The following CNTN5 variants were observed in gnomAD, a reference collection of about 807,000 sequenced individuals.
CNTN5 encodes the protein contactin 5.
Under a neutral mutation model 129.1 loss-of-function variants are expected in CNTN5, and 77 were observed. The observed-to-expected ratio is 0.60, with a 90% confidence interval of 0.50 to 0.72. The LOEUF (loss-of-function observed/expected upper bound fraction) is 0.72, where lower values mean the gene tolerates loss of function less well. CNTN5 is among the 30% of genes least tolerant of loss of function. The pLI, the probability that CNTN5 is intolerant of heterozygous loss-of-function variation, is 0.00. For missense variants in CNTN5, 1,478 were observed against 1,328.8 expected (o/e 1.11, Z -1.75); for synonymous variants, 509 against 465.6 (o/e 1.09, Z -1.20).
intron 3 of CNTN5, among the ~76,000 whole-genome samples, chr11:99,592,998 T>C (rs1235212170): frequency 6.6e-6 from 1 of 152,190 alleles, no homozygotes; most frequent in Non-Finnish European, 1.5e-5. Context: ...TGGTAATAGA[T>C]ATGACAACTC....
At chr11:99,252,333 AC>A (rs1208277961) in intron 1 of CNTN5, among the ~76,000 whole-genome samples, 3 of 152,032 alleles carry the variant, frequency 2.0e-5, no homozygotes, top group Admixed American at 2.0e-4. Flanking sequence ...GTTTAAACAA[AC>A]AAACACACAA....
chr11:99,647,726 A>T (rs1190340717), intron 3 of CNTN5, among the ~76,000 whole-genome samples: 1 of 150,926 alleles, frequency 6.6e-6, no homozygotes, highest in Non-Finnish European at 1.5e-5. Context: ...TCAGTTTGTT[A>T]TACTATTTTT....
chr11:99,947,699 A>G (rs561061908), intron 7 of CNTN5, among the ~76,000 whole-genome samples: 1 of 152,294 alleles, frequency 6.6e-6, no homozygotes, highest in Non-Finnish European at 1.5e-5. Flanking sequence ...AAATTTAGGC[A>G]GTTCACAACT....
rs149029971 is a variant in CNTN5 at position 99,720,054 on chromosome 11, A to G, written c.56-99490A>G. Reference sequence around the variant, plus strand: ...ATAAATAGCCTACCGACAACAACAAAAAAAACCCTGGGACCTGATGAGTTC... The same window carrying G: ...ATAAATAGCCTACCGACAACAACAAGAAAAACCCTGGGACCTGATGAGTTC... On this transcript the variant is annotated intron_variant, in intron 3 of 24. Transcript: ENST00000524871. Among the ~76,000 whole-genome samples, 654 of 152,250 alleles carry G rather than the reference A, an allele frequency of 4.3e-3. 3 individuals are homozygous for G. Among genetic ancestry groups the G allele is most frequent in the African/African-American group, 0.015 (624 of 41,542 alleles).
intron 1 of CNTN5, among the ~76,000 whole-genome samples, chr11:99,199,016 A>G (rs1432702315): frequency 6.6e-6 from 1 of 152,170 alleles, no homozygotes; most frequent in Non-Finnish European, 1.5e-5. Context: ...AGGAGGAATA[A>G]AGAAGGAATA....
intron 1 of CNTN5, among the ~76,000 whole-genome samples, chr11:99,273,892 A>G (rs1322384747): frequency 6.6e-6 from 1 of 151,762 alleles, no homozygotes. Flanking sequence ...TACTAAAAAA[A>G]TACATTGCTT....
intron 3 of CNTN5, among the ~76,000 whole-genome samples, chr11:99,683,930 C>G (rs539375463): frequency 1.3e-5 from 2 of 151,864 alleles, no homozygotes; most frequent in Admixed American, 6.6e-5. Context: ...TGTAGTATCT[C>G]ACATACTATT....
chr11:99,469,166 C>T (rs1051172764), intron 2 of CNTN5, among the ~76,000 whole-genome samples: 2 of 151,948 alleles, frequency 1.3e-5, no homozygotes, highest in African/African-American at 4.8e-5. Flanking sequence ...ATAGAAATGA[C>T]CATATTTAAA....
chr11:99,114,668 A>G (rs1404623431), intron 1 of CNTN5, among the ~76,000 whole-genome samples: 4 of 152,152 alleles, frequency 2.6e-5, no homozygotes, highest in Non-Finnish European at 4.4e-5. Context: ...AGGCTTGCAT[A>G]TAGTAGTAAT....
chr11:99,131,575 A>G (rs4525191), intron 1 of CNTN5, among the ~76,000 whole-genome samples: 137,580 of 152,146 alleles, frequency 0.9, 62,399 homozygotes, highest in East Asian at 0.99. Flanking sequence ...GATACCACCA[A>G]TGACCCCACA....
intron 6 of CNTN5, among the ~76,000 whole-genome samples, chr11:99,912,753 C>G (rs1949694739): frequency 6.6e-6 from 1 of 150,590 alleles, no homozygotes; most frequent in Non-Finnish European, 1.5e-5. Flanking sequence ...CTTCTTAACT[C>G]AGAAAAAGAA....
intron 1 of CNTN5, among the ~76,000 whole-genome samples, chr11:99,318,304 G>T (rs1017012662): frequency 6.6e-6 from 1 of 152,110 alleles, no homozygotes; most frequent in African/African-American, 2.4e-5. Context: ...GTTAAGGAAA[G>T]CATGTGATTT....
chr11:99,714,975 T>C (rs905442123), intron 3 of CNTN5, among the ~76,000 whole-genome samples: 1 of 152,006 alleles, frequency 6.6e-6, no homozygotes, highest in Non-Finnish European at 1.5e-5. Context: ...GAATATGCGC[T>C]CTAGTATTAA....
rs371024070 is a variant in CNTN5 at position 99,428,077 on chromosome 11, T to C, written c.-71+102593T>C. ...CTTTCTTAAATAAACAGTCATTTTA[T>C]TTCAGGCCAATAATTTACTGTACAA... On this transcript the variant is annotated intron_variant, in intron 2 of 24. Transcript: ENST00000524871. Among the ~76,000 whole-genome samples, 6 of 152,286 alleles carry C rather than the reference T, an allele frequency of 3.9e-5. No homozygotes were observed. In the East Asian group the frequency reaches 1.2e-3, roughly 29 times the overall value.
At chr11:100,061,908 G>A (rs1468870629) in intron 10 of CNTN5, among the ~76,000 whole-genome samples, 1 of 152,096 alleles carries the variant, frequency 6.6e-6, no homozygotes, top group Non-Finnish European at 1.5e-5. Context: ...TTGCTTTTGA[G>A]CATTTTTCAG....
chr11:99,682,620 C>T (rs766423207), intron 3 of CNTN5, among the ~76,000 whole-genome samples: 23 of 151,774 alleles, frequency 1.5e-4, no homozygotes, highest in Non-Finnish European at 2.9e-4. Flanking sequence ...CAAACACATC[C>T]GTTCTGTGTA....
At chr11:99,927,700 C>T (rs1317861778) in intron 7 of CNTN5, among the ~76,000 whole-genome samples, 3 of 152,078 alleles carry the variant, frequency 2.0e-5, no homozygotes, top group Non-Finnish European at 4.4e-5. Context: ...TCACCAGGTC[C>T]CTCCCACAAC....
intron 3 of CNTN5, among the ~76,000 whole-genome samples, chr11:99,709,756 T>A (rs1954896650): frequency 6.6e-6 from 1 of 151,842 alleles, no homozygotes; most frequent in Non-Finnish European, 1.5e-5. Context: ...AATAAGTTAT[T>A]TGAGTTTGCA....
chr11:99,056,168 C>G (rs1434536573), intron 1 of CNTN5, among the ~76,000 whole-genome samples: 2 of 151,734 alleles, frequency 1.3e-5, no homozygotes, highest in Non-Finnish European at 2.9e-5. Flanking sequence ...AAACTATAAA[C>G]TTATTCACTG....
Sources: allele counts gnomAD v4.1 joint callset (sites outside exome capture counted in the v4.1 genomes callset), GRCh38; gene constraint gnomAD v4.1.1; transcripts MANE v1.5; gene names NCBI Gene and HGNC (gene_info 2026-07-23, HGNC 2026-07-21).